POFUT4: variants seen among roughly 807,000 people sequenced by gnomAD.
POFUT4 encodes the protein GDP-fucose protein O-fucosyltransferase 4.
chr10:73,773,554 G>A, the POFUT4 span: 21 of 1,614,134 alleles, frequency 1.3e-5, no homozygotes, highest in Non-Finnish European at 1.7e-5. Context: ...CAACCTGGGG[G>A]CATCACCAAC....
At chr10:73,775,162 T>C in the POFUT4 span, 1 of 494,788 alleles carries the variant, frequency 2.0e-6, no homozygotes, top group Non-Finnish European at 3.6e-6. Flanking sequence ...TTCATTTTGA[T>C]TATTGGCATA....
At chr10:73,773,183 G>T in the POFUT4 span, 1 of 1,603,584 alleles carries the variant, frequency 6.2e-7, no homozygotes, top group East Asian at 2.2e-5. Flanking sequence ...TACTGTACCC[G>T]GTCTAGGTAG....
the POFUT4 span, chr10:73,780,242 T>G: frequency 6.6e-6 from 1 of 152,368 alleles, no homozygotes; most frequent in African/African-American, 2.4e-5. Flanking sequence ...ATAAACTGCT[T>G]CTTGTTAAAC....
chr10:73,780,048 G>A, the POFUT4 span: 2 of 152,230 alleles, frequency 1.3e-5, no homozygotes, highest in Admixed American at 6.5e-5. Flanking sequence ...GAGAAAGCAA[G>A]CAACATGAAT....
chr10:73,772,934 G>T, the POFUT4 span: 1 of 1,608,272 alleles, frequency 6.2e-7, no homozygotes, highest in Non-Finnish European at 8.5e-7. Context: ...CATGGAACGC[G>T]CGGAGTGGCG....
the POFUT4 span, chr10:73,774,393 G>A: frequency 1.3e-5 from 2 of 152,174 alleles, no homozygotes; most frequent in East Asian, 1.9e-4. Flanking sequence ...AGAAAAACTA[G>A]GCATGGCCGG....
At chr10:73,772,622 G>C in the POFUT4 span, 1 of 1,560,336 alleles carries the variant, frequency 6.4e-7, no homozygotes, top group Non-Finnish European at 8.7e-7. Flanking sequence ...GGAGCGCATC[G>C]AGTGTGCGCG....
At chr10:73,777,803 C>T in the POFUT4 span, among the ~76,000 whole-genome samples, 2 of 151,966 alleles carry the variant, frequency 1.3e-5, no homozygotes, top group Non-Finnish European at 2.9e-5. Context: ...GATTCACTTG[C>T]CTTGGCCTCC....
chr10:73,773,685 G>A, the POFUT4 span: 4 of 1,614,132 alleles, frequency 2.5e-6, no homozygotes, highest in African/African-American at 2.7e-5. Flanking sequence ...GCTGGATGCC[G>A]AGAAAGCCCA....
chr10:73,772,840 C>T, the POFUT4 span: 1 of 1,612,340 alleles, frequency 6.2e-7, no homozygotes, highest in Non-Finnish European at 8.5e-7. Flanking sequence ...ATCTTACCTC[C>T]ACCTTCAGTC....
At chr10:73,776,555 C>G in the POFUT4 span, among the ~76,000 whole-genome samples, 1 of 152,120 alleles carries the variant, frequency 6.6e-6, no homozygotes, top group African/African-American at 2.4e-5. Flanking sequence ...GTGGTGCACA[C>G]CTGTAGCCCT....
At chr10:73,772,839 C>G in the POFUT4 span, 1 of 1,612,328 alleles carries the variant, frequency 6.2e-7, no homozygotes, top group East Asian at 2.2e-5. Context: ...AATCTTACCT[C>G]CACCTTCAGT....
chr10:73,772,697 T>C, the POFUT4 span: 1 of 1,576,740 alleles, frequency 6.3e-7, no homozygotes, highest in Admixed American at 1.8e-5. Context: ...CGCGCTGCTC[T>C]TCTACGGCAC....
At chr10:73,774,070 T>C in the POFUT4 span, 2 of 468,664 alleles carry the variant, frequency 4.3e-6, no homozygotes, top group Non-Finnish European at 3.8e-6. Flanking sequence ...TTCAAAAAGA[T>C]TGAACCAGAG....
At chr10:73,778,561 AT>A in the POFUT4 span, among the ~76,000 whole-genome samples, 3 of 152,090 alleles carry the variant, frequency 2.0e-5, no homozygotes, top group Non-Finnish European at 4.4e-5. Flanking sequence ...GTTGTAATGT[AT>A]TAGTGAGTTA....
the POFUT4 span, among the ~76,000 whole-genome samples, chr10:73,776,464 A>G: frequency 2.7e-5 from 4 of 149,168 alleles, no homozygotes; most frequent in African/African-American, 9.9e-5. Flanking sequence ...GGCCGAGGAG[A>G]GGCGACTGCT....
chr10:73,775,308 G>A, the POFUT4 span: 3 of 1,016,172 alleles, frequency 3.0e-6, no homozygotes, highest in Non-Finnish European at 4.4e-6. Context: ...AAGCAGGCAA[G>A]TCAGGAATCG....
the POFUT4 span, chr10:73,772,803 G>A: frequency 6.2e-7 from 1 of 1,611,702 alleles, no homozygotes; most frequent in South Asian, 1.1e-5. Flanking sequence ...TTCTTGCTGA[G>A]CCACGGCCCG....
chr10:73,776,045 A>T, the POFUT4 span: 2 of 211,236 alleles, frequency 9.5e-6, no homozygotes, highest in African/African-American at 4.6e-5. Flanking sequence ...GTTACGACTT[A>T]CAACTTTTGT....
Sources: allele counts gnomAD v4.1 joint callset (sites outside exome capture counted in the v4.1 genomes callset), GRCh38; gene constraint gnomAD v4.1.1; transcripts MANE v1.5; gene names NCBI Gene and HGNC (gene_info 2026-07-23, HGNC 2026-07-21).